Variants in KATNIP observed in about 807,000 individuals in gnomAD.
KATNIP encodes katanin-interacting protein.
KATNIP carries 126 observed loss-of-function variants against 174.0 expected under a neutral mutation model. That is an observed-to-expected ratio of 0.72 (90% CI 0.63 to 0.84). KATNIP has a LOEUF of 0.84. KATNIP is among the 40% of genes least tolerant of loss of function. The pLI is 0.00. For synonymous variants in KATNIP, 810 were observed against 835.7 expected (o/e 0.97, Z 0.53); for missense variants, 1,958 against 2,109.7 (o/e 0.93, Z 1.41).
At chr16:27,680,050 C>G (rs1003578063) in intron 7 of KATNIP, among the ~76,000 whole-genome samples, 1 of 152,152 alleles carries the variant, frequency 6.6e-6, no homozygotes, top group African/African-American at 2.4e-5. Flanking sequence ...CCAGCCCTCC[C>G]CCGTGCTCCC....
At chr16:27,574,251 G>A in intron 2 of KATNIP, 2 of 381,630 alleles carry the variant, frequency 5.2e-6, no homozygotes, top group South Asian at 5.3e-5. Context: ...TTTAGTTCTG[G>A]ATTTGGTGGG....
chr16:27,555,991 G>T (rs2089609142), intron 1 of KATNIP, among the ~76,000 whole-genome samples: 4 of 152,002 alleles, frequency 2.6e-5, no homozygotes, highest in Admixed American at 2.6e-4. Flanking sequence ...AGCCAGGTGT[G>T]GTGGCGGGTG....
chr16:27,684,132 A>G (rs1161217561), intron 8 of KATNIP, among the ~76,000 whole-genome samples: 6 of 152,222 alleles, frequency 3.9e-5, no homozygotes, highest in African/African-American at 1.4e-4. Context: ...CTAGCTCCCA[A>G]GCTGTGTGTA....
At chr16:27,698,533 T>C (rs143162403) in intron 9 of KATNIP, 33 bp downstream of exon 9, 1 of 1,579,564 alleles carries the variant, frequency 6.3e-7, no homozygotes, top group African/African-American at 1.3e-5. Flanking sequence ...AACCGGGGGA[T>C]GCTCCCTGGA....
At chr16:27,709,351 G>A (rs2079470656) in intron 13 of KATNIP, among the ~76,000 whole-genome samples, 1 of 151,760 alleles carries the variant, frequency 6.6e-6, no homozygotes, top group Non-Finnish European at 1.5e-5. Flanking sequence ...GCCGGGTATG[G>A]TGGCTCACAC....
chr16:27,705,925 G>A (rs1296160604), intron 12 of KATNIP, among the ~76,000 whole-genome samples: 5 of 152,038 alleles, frequency 3.3e-5, no homozygotes, highest in African/African-American at 7.2e-5. Flanking sequence ...CAATCCTCCC[G>A]CCTCAGCATC....
intron 2 of KATNIP, among the ~76,000 whole-genome samples, chr16:27,586,751 C>A (rs962416390): frequency 2.0e-5 from 3 of 151,528 alleles, no homozygotes. Context: ...ATCACCTGAG[C>A]CCGGGAGATT....
chr16:27,726,200 C>T (rs1240557544), intron 14 of KATNIP, among the ~76,000 whole-genome samples: 2 of 152,192 alleles, frequency 1.3e-5, no homozygotes, highest in East Asian at 3.9e-4. Context: ...GAATCTAATG[C>T]CTGATGATCT....
chr16:27,577,041 G>A (rs567001621), intron 2 of KATNIP, among the ~76,000 whole-genome samples: 64 of 152,298 alleles, frequency 4.2e-4, no homozygotes, highest in Non-Finnish European at 3.7e-4. Context: ...CAAAGGGAGG[G>A]TGTGGCTGTT....
intron 2 of KATNIP, among the ~76,000 whole-genome samples, chr16:27,591,765 G>T (rs2075175322): frequency 6.6e-6 from 1 of 152,132 alleles, no homozygotes; most frequent in South Asian, 2.1e-4. Flanking sequence ...TGCCATGGTA[G>T]TGGTGGTTTT....
At chr16:27,579,163 A>G (rs1228914044) in intron 2 of KATNIP, among the ~76,000 whole-genome samples, 1 of 152,226 alleles carries the variant, frequency 6.6e-6, no homozygotes, top group Non-Finnish European at 1.5e-5. Context: ...TCATCTTCCA[A>G]TTCATCCCTA....
In KATNIP at chr16:27,740,078, T is replaced by C; in HGVS notation, c.1781T>C (p.Val594Ala). ...DIGAKNVKLY[V>A]NRNLIFNGKL... The stretch of plus-strand genomic sequence containing the variant: ...GGTGCCAAGAACGTGAAGCTTTACG[T>C]CAACAGAAACCTCATCTTCAATGGC... Residue 594 changes from valine to alanine, a missense_variant, in exon 15 of 28, where the codon GTC (valine) becomes GCC (alanine). This residue lies in a region of KATNIP where 1,557 missense variants were observed against 1,617.8 expected (regional missense o/e 0.96). Transcript: ENST00000261588. The C allele has an allele frequency of 6.2e-7, 1 of 1,613,792 alleles. No homozygotes were observed. The highest frequency in any genetic ancestry group is 8.5e-7 in the Non-Finnish European group (1 of 1,179,846).
rs2142225348 is a variant in KATNIP, at chr16:27,637,807, G to C, written c.408+6645G>C. On this transcript the variant is annotated intron_variant, in intron 5 of 27. Coordinates refer to ENST00000261588, the MANE Select transcript of KATNIP (RefSeq NM_015202.5). This position sits in a 1 kb window ranked among gnomAD's most constrained non-coding sequence, Gnocchi z 4.7. ...ATCTAAATGTGAGAATTTCCAAGAG[G>C]GTTGAAACAGTAGAGCGCCACGTTT... is the stretch of plus-strand genomic sequence containing the variant. Among the ~76,000 whole-genome samples, 1 of 152,320 alleles carries C rather than the reference G, an allele frequency of 6.6e-6. No homozygotes were observed.
chr16:27,569,452 G>A (rs2090207504), intron 1 of KATNIP, among the ~76,000 whole-genome samples: 1 of 151,920 alleles, frequency 6.6e-6, no homozygotes, highest in South Asian at 2.1e-4. Context: ...GAAGTATATT[G>A]GCCTTATTTA....
Position 27,758,126 on chromosome 16 carries a change from GCAAA to G in KATNIP, c.3632-3282_3632-3279del, listed in dbSNP as rs1274024670. ...ATGGAATCGCAGTGCAGCTTGCCAG[GCAAA>G]CAAAGAGATTGTAGGCTTGGGAGAG... On this transcript the variant is annotated intron_variant, in intron 18 of 27. Transcript: ENST00000261588. Among the ~76,000 whole-genome samples the G allele has an allele frequency of 7.2e-5, 11 of 152,298 alleles. No homozygotes were observed. The East Asian group carries it at 1.2e-3, about 16-fold the overall frequency.
intron 8 of KATNIP, among the ~76,000 whole-genome samples, chr16:27,697,876 C>CTG (rs147515867): frequency 3.0e-4 from 46 of 151,796 alleles, no homozygotes; most frequent in Middle Eastern, 6.8e-3. Context: ...TACTCCTGAA[C>CTG]TGTGTGTGTG....
rs759512865 is a variant in KATNIP, at chr16:27,751,739, A to G, written c.3367A>G (p.Thr1123Ala). 2 of 1,614,242 alleles carry G rather than the reference A, an allele frequency of 1.2e-6. No individual in the cohort carries two copies. The highest frequency in any genetic ancestry group is 4.5e-5 in the East Asian group (2 of 44,878). The stretch of plus-strand genomic sequence containing the variant: ...ATTAGCCCCAGAGCACTTTGGAGAC[A>G]CGATCTTATTCACAACCGATGATGA... The part of the protein sequence containing the change: ...LAGAPEHFGD[T>A]ILFTTDDDIL... Residue 1123 changes from threonine to alanine, a missense_variant, in exon 17 of 28, where the codon ACG (threonine) becomes GCG (alanine). This residue lies in a region of KATNIP where 1,557 missense variants were observed against 1,617.8 expected (regional missense o/e 0.96). Transcript: ENST00000261588.
At chr16:27,632,664 G>A (rs1045397151) in intron 5 of KATNIP, 28 of 455,718 alleles carry the variant, frequency 6.1e-5, no homozygotes, top group Non-Finnish European at 1.1e-4. Flanking sequence ...CAGAAGGGAG[G>A]GGCAGCAGGC....
Position 27,777,503 on chromosome 16 carries a change from C to T in KATNIP, c.4552-107C>T, listed in dbSNP as rs557456124. ...AGTAGGCGCTTGTTCCTGACAGCCC[C>T]GTCTTCCCGAGGAGAAAGCCTTGGC... On this transcript the variant is annotated intron_variant, in intron 25 of 27. Transcript: ENST00000261588. This position sits in a 1 kb window ranked among gnomAD's most constrained non-coding sequence, Gnocchi z 4.4. 34 of 1,076,594 alleles carry T rather than the reference C, an allele frequency of 3.2e-5. No individual in the cohort carries two copies. The highest frequency in any genetic ancestry group is 1.6e-4 in the African/African-American group (10 of 63,564). 66.7% of individuals were successfully genotyped at this position (1,076,594 alleles called of 1,614,324 possible).
Sources: allele counts gnomAD v4.1 joint callset (sites outside exome capture counted in the v4.1 genomes callset), GRCh38; gene constraint gnomAD v4.1.1; regional missense constraint gnomAD v4.1.1; non-coding constraint Gnocchi (gnomAD v3.1); transcripts MANE v1.5; gene names NCBI Gene and HGNC (gene_info 2026-07-23, HGNC 2026-07-21).